Variants in GRID2 observed in about 807,000 individuals in gnomAD.
GRID2 encodes the protein glutamate receptor ionotropic, delta-2.
Under a neutral mutation model 114.8 loss-of-function variants are expected in GRID2, and 33 were observed. The observed-to-expected ratio is 0.29, with a 90% confidence interval of 0.22 to 0.38. The LOEUF (loss-of-function observed/expected upper bound fraction) is 0.38, where lower values mean the gene tolerates loss of function less well. Ranked by LOEUF, GRID2 falls within the 10% of genes least tolerant of loss-of-function variation. GRID2 has a pLI of 1.00. For missense variants in GRID2, 1,184 were observed against 1,257.7 expected (o/e 0.94, Z 0.89); for synonymous variants, 505 against 449.9 (o/e 1.12, Z -1.55).
chr4:93,092,297 CT>C (rs1234504272), intron 3 of GRID2, among the ~76,000 whole-genome samples: 4 of 152,052 alleles, frequency 2.6e-5, no homozygotes, highest in African/African-American at 9.7e-5. Context: ...ATTTTAAGAG[CT>C]TCTAAAGTAG....
intron 2 of GRID2, among the ~76,000 whole-genome samples, chr4:93,043,678 A>G (rs1490125775): frequency 1.3e-5 from 2 of 151,980 alleles, no homozygotes; most frequent in Admixed American, 6.6e-5. Flanking sequence ...TGTAATTGGA[A>G]TCTGCTTATC....
chr4:93,445,220 G>A (rs1721987152), intron 10 of GRID2, among the ~76,000 whole-genome samples: 1 of 151,954 alleles, frequency 6.6e-6, no homozygotes, highest in South Asian at 2.1e-4. Flanking sequence ...TGGAAGCTAT[G>A]TACTGAGGAG....
chr4:92,559,394 A>G (rs1466876353), intron 1 of GRID2, among the ~76,000 whole-genome samples: 1 of 152,160 alleles, frequency 6.6e-6, no homozygotes, highest in Non-Finnish European at 1.5e-5. Flanking sequence ...GGATTATTTC[A>G]GATTGTGGGA....
intron 4 of GRID2, among the ~76,000 whole-genome samples, chr4:93,128,834 G>A (rs945834830): frequency 3.9e-5 from 6 of 152,166 alleles, no homozygotes; most frequent in Admixed American, 2.0e-4. Flanking sequence ...ATTTTCAGCA[G>A]AAATGAAATA....
chr4:93,658,290 A>G (rs1208329265), intron 14 of GRID2, among the ~76,000 whole-genome samples: 5 of 152,222 alleles, frequency 3.3e-5, no homozygotes, highest in Non-Finnish European at 5.9e-5. Flanking sequence ...AGACAAAGAT[A>G]ACAATTAGAC....
chr4:93,605,539 G>A (rs1007646506), intron 13 of GRID2, among the ~76,000 whole-genome samples: 10 of 152,064 alleles, frequency 6.6e-5, no homozygotes, highest in African/African-American at 2.4e-4. Flanking sequence ...TTATTACTTG[G>A]TCCTTATTAC....
At chr4:93,507,017 A>G (rs1728699398) in intron 12 of GRID2, among the ~76,000 whole-genome samples, 1 of 152,152 alleles carries the variant, frequency 6.6e-6, no homozygotes, top group Non-Finnish European at 1.5e-5. Flanking sequence ...CTCTGAGAGA[A>G]CCCTATGTCT....
intron 1 of GRID2, among the ~76,000 whole-genome samples, chr4:92,332,948 G>C (rs967385950): frequency 6.6e-6 from 1 of 152,216 alleles, no homozygotes; most frequent in Non-Finnish European, 1.5e-5. Flanking sequence ...AGCTCTCACA[G>C]ATGGGAGTTT....
At chr4:92,976,088 A>G (rs1162728692) in intron 2 of GRID2, among the ~76,000 whole-genome samples, 1 of 152,096 alleles carries the variant, frequency 6.6e-6, no homozygotes, top group Non-Finnish European at 1.5e-5. Context: ...CCAGTTTTCA[A>G]TTACTTGTTT....
chr4:93,394,604 TAAC>T (rs1765155001), intron 8 of GRID2, among the ~76,000 whole-genome samples: 2 of 151,866 alleles, frequency 1.3e-5, no homozygotes, highest in African/African-American at 4.8e-5. Flanking sequence ...ACAGCACAAA[TAAC>T]CATTTGCCCC....
chr4:92,432,793 C>T (rs1361463376), intron 1 of GRID2, among the ~76,000 whole-genome samples: 1 of 152,106 alleles, frequency 6.6e-6, no homozygotes, highest in East Asian at 1.9e-4. Context: ...ACTCTTCCCT[C>T]TTCTTTCCTC....
At chr4:93,495,443 A>T (rs938676687) in intron 12 of GRID2, among the ~76,000 whole-genome samples, 1 of 151,838 alleles carries the variant, frequency 6.6e-6, no homozygotes, top group African/African-American at 2.4e-5. Flanking sequence ...CAAATCTGGT[A>T]CTAAAGCCTG....
At chr4:92,524,007 C>G (rs1724912609) in intron 1 of GRID2, among the ~76,000 whole-genome samples, 2 of 152,046 alleles carry the variant, frequency 1.3e-5, no homozygotes, top group South Asian at 4.1e-4. Flanking sequence ...GGGAATTTTA[C>G]TTTACTGTTA....
exon 2 of GRID2, chr4:93,808,838 G>T (rs529508919): frequency 3.7e-4 from 56 of 152,244 alleles, no homozygotes; most frequent in African/African-American, 1.3e-3. Context: ...CCAGGAAAGC[G>T]CATGCTTCCG....
intron 9 of GRID2, among the ~76,000 whole-genome samples, chr4:93,417,368 G>A (rs1366440541): frequency 3.3e-5 from 5 of 151,940 alleles, no homozygotes; most frequent in South Asian, 2.1e-4. Flanking sequence ...ATATGGCTTC[G>A]TTGCCCTCCA....
rs539105427 is a variant in GRID2 at position 92,829,930 on chromosome 4, CAG to C, written c.244+239645_244+239646del. 5.4e-3 allele frequency among the ~76,000 whole-genome samples: 827 copies of C among 151,932 alleles called. 13 individuals carry two copies. The highest frequency in any genetic ancestry group is 0.019 in the African/African-American group (787 of 41,452). ...GGGAACATCACACACGAGGGCCTGT[CAG>C]GGGTGGGGACAAGGGGAGTGAGAGC... is the stretch of plus-strand genomic sequence containing the variant. On this transcript the variant is annotated intron_variant, in intron 2 of 15. Transcript: ENST00000282020.
At chr4:93,657,432 C>G (rs141643413) in intron 14 of GRID2, among the ~76,000 whole-genome samples, 687 of 152,188 alleles carry the variant, frequency 4.5e-3, no homozygotes, top group Non-Finnish European at 7.5e-3. Context: ...GGAGCTCCCA[C>G]CAAATCCTAA....
chr4:93,321,478 A>T (rs149635557), intron 8 of GRID2, among the ~76,000 whole-genome samples: 141 of 152,218 alleles, frequency 9.3e-4, no homozygotes, highest in Middle Eastern at 3.4e-3. Context: ...AGGGAAGAGG[A>T]TGTGTACAAT....
chr4:92,840,331 T>C (rs1235237176), intron 2 of GRID2, among the ~76,000 whole-genome samples: 1 of 152,036 alleles, frequency 6.6e-6, no homozygotes, highest in Non-Finnish European at 1.5e-5. Context: ...ATATTATTAT[T>C]GACAAGTAAG....
Sources: allele counts gnomAD v4.1 joint callset (sites outside exome capture counted in the v4.1 genomes callset), GRCh38; gene constraint gnomAD v4.1.1; transcripts MANE v1.5; gene names NCBI Gene and HGNC (gene_info 2026-07-23, HGNC 2026-07-21).